RAPGEF1: variants seen among roughly 807,000 people sequenced by gnomAD.
RAPGEF1 encodes the protein Rap guanine nucleotide exchange factor 1.
A neutral mutation model predicts 143.3 loss-of-function variants in RAPGEF1; 33 were observed. The observed-to-expected ratio is 0.23, with a 90% CI of 0.17 to 0.31. The LOEUF is 0.31. RAPGEF1 is among the 10% of genes least tolerant of loss of function. The pLI is 1.00. For synonymous variants in RAPGEF1, 629 were observed against 676.5 expected (o/e 0.93, Z 1.09); for missense variants, 1,199 against 1,645.4 (o/e 0.73, Z 4.69).
intron 22 of RAPGEF1, 141 bp downstream of exon 22, chr9:131,587,595 A>T (rs1172994838): frequency 8.9e-6 from 7 of 786,606 alleles, no homozygotes; most frequent in Non-Finnish European, 1.4e-5. Context: ...GTCAGTGCTC[A>T]TGGGAACCCC....
At chr9:131,697,120 C>A (rs544794992) in intron 1 of RAPGEF1, among the ~76,000 whole-genome samples, 1 of 152,200 alleles carries the variant, frequency 6.6e-6, no homozygotes, top group Non-Finnish European at 1.5e-5. Context: ...GAATGTCATG[C>A]CTGAGATGAG....
rs995236536 is a variant in RAPGEF1 at position 131,628,247 on chromosome 9, T to C, written c.1018-151A>G. Among the ~76,000 whole-genome samples, 5 of 152,130 alleles carry C rather than the reference T, an allele frequency of 3.3e-5. No homozygotes were observed. Among genetic ancestry groups the C allele is most frequent in the Non-Finnish European group, 5.9e-5 (4 of 68,010 alleles). Reference sequence around the variant, plus strand: ...CTGACGTCAGTAGTCGAAGGACACATACAGCTGAGAAGCAGCCATCTGGAG... The same window carrying C: ...CTGACGTCAGTAGTCGAAGGACACACACAGCTGAGAAGCAGCCATCTGGAG... On this transcript the variant is annotated intron_variant, in intron 8 of 26. Transcript: ENST00000683357. The surrounding 1 kb of genome is among the most constrained non-coding windows in gnomAD (Gnocchi z 5.7).
chr9:131,697,521 C>T (rs547400832), intron 1 of RAPGEF1, among the ~76,000 whole-genome samples: 1 of 152,186 alleles, frequency 6.6e-6, no homozygotes, highest in East Asian at 1.9e-4. Flanking sequence ...GCAGCTCTTG[C>T]AGCAAAATGC....
At position 131,582,635 on chromosome 9, in the gene RAPGEF1, G is replaced by A. The variant is rs766783431; in HGVS notation, c.3482C>T (p.Ser1161Leu). The A allele has an allele frequency of 3.7e-5, 57 of 1,533,356 alleles. No individual in the cohort carries two copies. The highest frequency in any genetic ancestry group is 4.8e-5 in the Non-Finnish European group (55 of 1,150,374). 95.0% of individuals were successfully genotyped at this position (1,533,356 alleles called of 1,614,324 possible). The change falls in exon 25 of 27, where the codon TCG (serine) becomes TTG (leucine). Residue 1161 changes from serine to leucine, a missense_variant. Transcript: ENST00000683357. ...CGGGATGCACGGCGGTTCCACCTCC[G>A]AGAGGGCGGCCCGGTAGGCTCGGAA... ...SSFRAYRAALSEVEPPCIPYL... is the reference protein window; with the variant it reads ...SSFRAYRAALLEVEPPCIPYL...
chr9:131,676,580 T>C (rs942665219), intron 1 of RAPGEF1, among the ~76,000 whole-genome samples: 1 of 152,190 alleles, frequency 6.6e-6, no homozygotes, highest in Non-Finnish European at 1.5e-5. Context: ...TCCTGTCCTC[T>C]TGTTCTGTTC....
intron 1 of RAPGEF1, among the ~76,000 whole-genome samples, chr9:131,652,392 G>A (rs1971292980): frequency 6.6e-6 from 1 of 152,110 alleles, no homozygotes; most frequent in African/African-American, 2.4e-5. Flanking sequence ...TAGGACTATA[G>A]GCAAGTGCTA....
chr9:131,627,266 A>ATGGTCC (rs1179956424), intron 9 of RAPGEF1, among the ~76,000 whole-genome samples: 1 of 150,692 alleles, frequency 6.6e-6, no homozygotes, highest in Non-Finnish European at 1.5e-5. Context: ...TACTATGTAA[A>ATGGTCC]TGGTCCTGTA....
At chr9:131,739,378 G>A (rs550526784) in intron 1 of RAPGEF1, among the ~76,000 whole-genome samples, 1 of 152,320 alleles carries the variant, frequency 6.6e-6, no homozygotes, top group East Asian at 1.9e-4. Flanking sequence ...AGCTCAGCTG[G>A]GTTCACCCTC....
At chr9:131,666,677 G>T (rs1270049880) in intron 1 of RAPGEF1, among the ~76,000 whole-genome samples, 1 of 152,084 alleles carries the variant, frequency 6.6e-6, no homozygotes, top group Non-Finnish European at 1.5e-5. Context: ...GAGTCCCTGT[G>T]CCCAGTCTTA....
intron 1 of RAPGEF1, among the ~76,000 whole-genome samples, chr9:131,703,792 G>A (rs1834843517): frequency 1.3e-5 from 2 of 152,222 alleles, no homozygotes; most frequent in South Asian, 4.1e-4. Context: ...GACCACTGCT[G>A]ATGGTCATTG....
In RAPGEF1 at chr9:131,655,488, TTC is replaced by T. The variant is rs1183582882; in HGVS notation, c.62-4541_62-4540del. ...CTCCCGCTCCCCTCTGTCCTGCCTC[TTC>T]TCTCTCTTCACCCAAGCAGGGTGGA... On this transcript the variant is annotated intron_variant, in intron 1 of 26. Transcript: ENST00000683357. This position sits in a 1 kb window ranked among gnomAD's most constrained non-coding sequence, Gnocchi z 4.1. 2.6e-5 allele frequency among the ~76,000 whole-genome samples: 4 copies of T among 152,356 alleles called. No homozygotes were observed. The East Asian group carries it at 7.7e-4, about 29-fold the overall frequency.
At chr9:131,646,411 C>T (rs1026638759) in intron 3 of RAPGEF1, among the ~76,000 whole-genome samples, 9 of 152,334 alleles carry the variant, frequency 5.9e-5, no homozygotes, top group South Asian at 2.1e-4. Flanking sequence ...ATTTAACAAA[C>T]GAGTAAACTA....
At chr9:131,714,102 A>G (rs1015038840) in intron 1 of RAPGEF1, among the ~76,000 whole-genome samples, 2 of 152,042 alleles carry the variant, frequency 1.3e-5, no homozygotes, top group Non-Finnish European at 2.9e-5. Flanking sequence ...AGGTGGCCTC[A>G]AACTCCTAGG....
At chr9:131,680,055 C>T (rs1238759072) in intron 1 of RAPGEF1, among the ~76,000 whole-genome samples, 2 of 152,242 alleles carry the variant, frequency 1.3e-5, no homozygotes, top group African/African-American at 4.8e-5. Context: ...AATCAAAGCA[C>T]ATTTATAACT....
chr9:131,625,656 C>G (rs1962774790), intron 10 of RAPGEF1, among the ~76,000 whole-genome samples: 1 of 152,216 alleles, frequency 6.6e-6, no homozygotes, highest in South Asian at 2.1e-4. Context: ...CTGCTGCCAT[C>G]TAAAGAGGAG....
chr9:131,738,123 A>G (rs1837540391), intron 1 of RAPGEF1, among the ~76,000 whole-genome samples: 1 of 152,064 alleles, frequency 6.6e-6, no homozygotes, highest in Non-Finnish European at 1.5e-5. Flanking sequence ...CTGACAGATG[A>G]TTTCCAATCC....
Position 131,655,886 on chromosome 9 carries a change from C to A in RAPGEF1, c.62-4937G>T, listed in dbSNP as rs540564933. 4.2e-4 allele frequency among the ~76,000 whole-genome samples: 64 copies of A among 152,114 alleles called. 1 individual carries two copies. Among genetic ancestry groups the A allele is most frequent in the Admixed American group, 2.9e-3 (45 of 15,288 alleles). On this transcript the variant is annotated intron_variant, in intron 1 of 26. Transcript: ENST00000683357. The surrounding 1 kb of genome is among the most constrained non-coding windows in gnomAD (Gnocchi z 4.1). ...ACAGGTGTGAGCCACCGCGCCCGGCCAAAAAATTTTCTAAAAGGGGGGTGT... is the reference window on the plus strand; with the variant it reads ...ACAGGTGTGAGCCACCGCGCCCGGCAAAAAAATTTTCTAAAAGGGGGGTGT...
Position 131,655,808 on chromosome 9 carries a change from C to T in RAPGEF1, c.62-4859G>A, listed in dbSNP as rs1232483178. Among the ~76,000 whole-genome samples the T allele has an allele frequency of 3.9e-5, 6 of 152,144 alleles. No homozygotes were observed. The highest frequency in any genetic ancestry group is 7.2e-5 in the African/African-American group (3 of 41,432). On this transcript the variant is annotated intron_variant, in intron 1 of 26. Transcript: ENST00000683357. This position sits in a 1 kb window ranked among gnomAD's most constrained non-coding sequence, Gnocchi z 4.1. ...GTCACCGTGTTAGCCAGGATGGTCT[C>T]GATCTCCTGACCTCGTGATCCACCT...
At chr9:131,701,209 T>C (rs777739488) in intron 1 of RAPGEF1, among the ~76,000 whole-genome samples, 12 of 152,138 alleles carry the variant, frequency 7.9e-5, no homozygotes, top group Admixed American at 2.0e-4. Context: ...AACACGGAAA[T>C]GTATTTTACG....
Sources: gnomAD v4.1 joint callset for allele counts (sites outside exome capture counted in the v4.1 genomes callset) on GRCh38, gnomAD v4.1.1 for gene constraint, Gnocchi (gnomAD v3.1) non-coding constraint, MANE v1.5 for transcripts, NCBI Gene and HGNC (gene_info 2026-07-23, HGNC 2026-07-21) for gene names.